TMCO6: variants seen among roughly 807,000 people sequenced by gnomAD.
TMCO6 encodes transmembrane and coiled-coil domains 6, also known as transmembrane and coiled-coil domain-containing protein 6.
TMCO6 carries 47 observed loss-of-function variants against 61.8 expected under a neutral mutation model. The observed-to-expected ratio is 0.76, with a 90% CI of 0.60 to 0.97. The LOEUF is 0.97. Among genes scored for constraint, TMCO6 ranks in the 50% least tolerant of loss-of-function variants. The pLI is 0.00. For synonymous variants in TMCO6, 261 were observed against 254.2 expected, an observed-to-expected ratio of 1.03 and a Z score of -0.25; for missense variants, 557 against 601.6, an observed-to-expected ratio of 0.93 and a Z score of 0.78.
the TMCO6 span, among the ~76,000 whole-genome samples, chr5:140,625,168 TG>T: frequency 6.6e-6 from 1 of 152,180 alleles, no homozygotes; most frequent in Non-Finnish European, 1.5e-5. Context: ...ATTTCTTGAC[TG>T]GGTTATTGGT....
At chr5:140,631,953 A>C in the TMCO6 span, 1 of 1,613,292 alleles carries the variant, frequency 6.2e-7, no homozygotes, top group Non-Finnish European at 8.5e-7. Flanking sequence ...GCCGGAGTTC[A>C]TTGAGCCCTC....
the TMCO6 span, among the ~76,000 whole-genome samples, chr5:140,607,190 C>T: frequency 6.6e-6 from 1 of 152,168 alleles, no homozygotes; most frequent in African/African-American, 2.4e-5. Flanking sequence ...TATGCAATAA[C>T]TCCCTGTCTC....
At chr5:140,609,257 A>G in the TMCO6 span, 1 of 168,132 alleles carries the variant, frequency 5.9e-6, no homozygotes, top group South Asian at 1.4e-4. Flanking sequence ...GCGGCATGCC[A>G]TGGAGTTGCT....
At chr5:140,598,625 G>A in the TMCO6 span, among the ~76,000 whole-genome samples, 2 of 152,154 alleles carry the variant, frequency 1.3e-5, no homozygotes, top group African/African-American at 4.8e-5. Context: ...GGTGTGCAAA[G>A]CCCAGTCCAA....
rs1271650639 is a variant in TMCO6, at chr5:140,644,882, G to T, written c.1369-103G>T. On this transcript the variant is annotated intron_variant, in intron 11 of 11. Coordinates refer to ENST00000394671, the MANE Select transcript of TMCO6 (RefSeq NM_018502.5). The stretch of plus-strand genomic sequence containing the variant: ...TCCATGTCAGAAACTTCATCCTCTT[G>T]TTGGGGAATGCACCCTCTGGAGTAG... 3.3e-5 allele frequency: 50 copies of T among 1,497,732 alleles called. 1 individual carries two copies. The highest frequency in any genetic ancestry group is 4.4e-5 in the Non-Finnish European group (48 of 1,091,884). The allele number at this position is 1,497,732 out of a possible 1,614,324, so 92.8% of individuals were successfully genotyped here. A position where few individuals can be genotyped will look rare whatever the true frequency, so the allele number is the denominator to read the frequency against.
chr5:140,647,316 C>A, downstream of TMCO6: 1 of 1,594,998 alleles, frequency 6.3e-7, no homozygotes, highest in South Asian at 1.1e-5. Context: ...ATGGGTAGGT[C>A]GGGATTCGCC....
the TMCO6 span, among the ~76,000 whole-genome samples, chr5:140,626,925 A>T: frequency 6.6e-6 from 1 of 152,236 alleles, no homozygotes; most frequent in African/African-American, 2.4e-5. Context: ...TGTTCAATTT[A>T]TGGAAAAATT....
At chr5:140,627,796 T>C in the TMCO6 span, among the ~76,000 whole-genome samples, 60 of 151,458 alleles carry the variant, frequency 4.0e-4, 1 homozygote, top group South Asian at 1.0e-3. Flanking sequence ...CTCAGGAGGC[T>C]GAGGCAGGAG....
chr5:140,639,296 G>A (rs1031950517), upstream of TMCO6: 4 of 523,794 alleles, frequency 7.6e-6, no homozygotes, highest in African/African-American at 4.1e-5. Flanking sequence ...GAGGCAGAGC[G>A]ACGCCTCTGG....
the TMCO6 span, among the ~76,000 whole-genome samples, chr5:140,627,161 A>G: frequency 1.3e-5 from 2 of 151,318 alleles, no homozygotes; most frequent in South Asian, 2.1e-4. Context: ...CTGTTTCTCT[A>G]CTAGTCTCAA....
chr5:140,622,540 G>A, the TMCO6 span, among the ~76,000 whole-genome samples: 4 of 152,120 alleles, frequency 2.6e-5, no homozygotes, highest in African/African-American at 7.2e-5. Flanking sequence ...GCTGCTAAGA[G>A]AGCCATCTGC....
chr5:140,645,288 C>A lies in TMCO6; in HGVS notation c.*190C>A. 1.4e-6 allele frequency: 1 copy of A among 710,044 alleles called. No homozygotes were observed. The allele number at this position is 710,044 out of a possible 1,614,324, so 44.0% of individuals were successfully genotyped here. A position where few individuals can be genotyped will look rare whatever the true frequency, so the allele number is the denominator to read the frequency against. The stretch of plus-strand genomic sequence containing the variant: ...CCAGGCAGGAGGACCAAAAGGGACT[C>A]AGTGTGGTCTACTTACTCTGGGGCC... On this transcript the variant is annotated 3_prime_UTR_variant, in exon 12 of 12. Coordinates refer to ENST00000394671, the MANE Select transcript of TMCO6 (RefSeq NM_018502.5).
chr5:140,640,494 C>T (rs1244404664), intron 2 of TMCO6, among the ~76,000 whole-genome samples: 1 of 151,774 alleles, frequency 6.6e-6, no homozygotes, highest in African/African-American at 2.4e-5. Flanking sequence ...CAACATCCGC[C>T]TCCCGGGTTC....
At chr5:140,645,487 A>G, downstream of TMCO6, 1 of 1,472,840 alleles carries the variant, frequency 6.8e-7, no homozygotes, top group Non-Finnish European at 9.4e-7. Context: ...TTTACAGCAC[A>G]AGCTTTATGA....
chr5:140,602,790 A>G, the TMCO6 span, among the ~76,000 whole-genome samples: 1 of 149,936 alleles, frequency 6.7e-6, no homozygotes, highest in Non-Finnish European at 1.5e-5. Flanking sequence ...AAACACACAC[A>G]CACAAAAAAA....
chr5:140,627,086 C>T, the TMCO6 span, among the ~76,000 whole-genome samples: 1 of 152,214 alleles, frequency 6.6e-6, no homozygotes, highest in African/African-American at 2.4e-5. Context: ...ATCCACATTC[C>T]TGTGCCTTCT....
upstream of TMCO6, among the ~76,000 whole-genome samples, chr5:140,637,920 CT>C (rs368290558): frequency 2.5e-4 from 38 of 151,958 alleles, 1 homozygote; most frequent in East Asian, 4.8e-3. Flanking sequence ...CTCTTTCCCC[CT>C]CCCCTCTCTT....
chr5:140,623,171 A>G, the TMCO6 span, among the ~76,000 whole-genome samples: 1 of 152,182 alleles, frequency 6.6e-6, no homozygotes, highest in Non-Finnish European at 1.5e-5. Context: ...AGTCCTTTAA[A>G]AACTAACTGC....
the TMCO6 span, among the ~76,000 whole-genome samples, chr5:140,611,696 G>T: frequency 6.6e-6 from 1 of 152,154 alleles, no homozygotes; most frequent in Non-Finnish European, 1.5e-5. Context: ...CTAGTGTTTT[G>T]TTGAGGATTC....
Sources: gnomAD v4.1 joint callset for allele counts (sites outside exome capture counted in the v4.1 genomes callset) on GRCh38, gnomAD v4.1.1 for gene constraint, MANE v1.5 for transcripts, NCBI Gene and HGNC (gene_info 2026-07-23, HGNC 2026-07-21) for gene names.